Variants in OPCML observed in about 807,000 individuals in gnomAD.
OPCML encodes opioid-binding protein/cell adhesion molecule.
A neutral mutation model predicts 37.8 loss-of-function variants in OPCML; 13 were observed. The ratio of observed to expected loss-of-function variants is 0.34; its 90% CI spans 0.22 to 0.55. The LOEUF (loss-of-function observed/expected upper bound fraction) is 0.55. OPCML is among the 20% of genes least tolerant of loss of function. OPCML has a pLI of 0.91. For missense variants in OPCML, 341 were observed against 435.6 expected (o/e 0.78, Z 1.93); for synonymous variants, 176 against 168.8 (o/e 1.04, Z -0.33).
At chr11:132,873,715 CAAAA>C (rs34642015) in intron 2 of OPCML, among the ~76,000 whole-genome samples, 46 of 111,232 alleles carry the variant, frequency 4.1e-4, no homozygotes, top group Non-Finnish European at 5.9e-4. Context: ...CAGTTGGGCA[CAAAA>C]AAAAAAAAAA....
chr11:133,511,702 T>A (rs548751069), intron 1 of OPCML, among the ~76,000 whole-genome samples: 1 of 142,748 alleles, frequency 7.0e-6, no homozygotes, highest in South Asian at 2.2e-4. Flanking sequence ...CCTGATGTAC[T>A]TTTTTTTTTT....
chr11:132,422,808 T>C (rs1216560298), intron 7 of OPCML, among the ~76,000 whole-genome samples: 2 of 152,206 alleles, frequency 1.3e-5, no homozygotes, highest in Non-Finnish European at 2.9e-5. Context: ...ACAAGTCTAC[T>C]TCCTCTCTGT....
At chr11:132,560,210 C>T (rs1353812458) in intron 3 of OPCML, among the ~76,000 whole-genome samples, 1 of 152,194 alleles carries the variant, frequency 6.6e-6, no homozygotes, top group Admixed American at 6.5e-5. Context: ...TGTGACTCCA[C>T]ACATGCAACT....
intron 3 of OPCML, among the ~76,000 whole-genome samples, chr11:132,554,904 G>A (rs1180840470): frequency 2.7e-5 from 2 of 73,214 alleles, no homozygotes; most frequent in African/African-American, 9.8e-5. Flanking sequence ...TTAGCTCTAT[G>A]GTTAGATAGA....
rs79489007 is a variant in OPCML at position 132,658,595 on chromosome 11, G to A, written c.147-1276C>T. 8.6e-3 allele frequency among the ~76,000 whole-genome samples: 1,303 copies of A among 152,288 alleles called. 21 individuals carry two copies. The highest frequency in any genetic ancestry group is 0.029 in the African/African-American group (1,219 of 41,556). ...AAGAATAAAAGCAATACCAGCTTCC[G>A]GTCACCCAGGCCTTTTTATGAGCTG... On this transcript the variant is annotated intron_variant, in intron 2 of 7. Transcript: ENST00000524381.
chr11:133,093,713 G>C (rs575854416), intron 1 of OPCML, among the ~76,000 whole-genome samples: 2 of 152,022 alleles, frequency 1.3e-5, no homozygotes, highest in Non-Finnish European at 2.9e-5. Flanking sequence ...CAGGTGATGT[G>C]TCTGACTGAC....
chr11:133,271,255 C>A (rs181266641), intron 1 of OPCML, among the ~76,000 whole-genome samples: 1 of 152,162 alleles, frequency 6.6e-6, no homozygotes, highest in Non-Finnish European at 1.5e-5. Context: ...TATCCCAGAA[C>A]CTGGCCCAGA....
intron 1 of OPCML, among the ~76,000 whole-genome samples, chr11:132,975,110 G>T (rs1946428730): frequency 6.6e-6 from 1 of 151,492 alleles, no homozygotes; most frequent in African/African-American, 2.4e-5. Context: ...GCCACTATAG[G>T]TGCTGATTAT....
intron 1 of OPCML, among the ~76,000 whole-genome samples, chr11:133,175,891 G>T (rs1024848154): frequency 1.3e-5 from 2 of 152,084 alleles, no homozygotes; most frequent in African/African-American, 4.8e-5. Context: ...AAAAAAAGTC[G>T]TGCCTGTGGT....
intron 1 of OPCML, among the ~76,000 whole-genome samples, chr11:133,214,606 C>A (rs1939509055): frequency 6.6e-6 from 1 of 152,074 alleles, no homozygotes; most frequent in Admixed American, 6.5e-5. Context: ...TTAAATTATC[C>A]AACTAGAGCT....
chr11:133,218,244 C>T (rs1254738084), intron 1 of OPCML, among the ~76,000 whole-genome samples: 1 of 151,944 alleles, frequency 6.6e-6, no homozygotes, highest in East Asian at 1.9e-4. Flanking sequence ...AGCTAAAAAC[C>T]AATCTAGGAG....
chr11:132,435,656 A>G (rs977317572), intron 7 of OPCML, among the ~76,000 whole-genome samples: 22 of 152,348 alleles, frequency 1.4e-4, no homozygotes, highest in Admixed American at 9.8e-4. Flanking sequence ...ATTCTTCCCC[A>G]TGGATGAGAA....
chr11:132,685,164 C>T lies in OPCML; in HGVS notation c.147-27845G>A, dbSNP rs148020651. ...ACTCCTAATCAAGCTTTTTCTTGCC[C>T]TGTCATCTCCATGCCAATAGTCTAT... On this transcript the variant is annotated intron_variant, in intron 2 of 7. Coordinates refer to ENST00000524381, the MANE Select transcript of OPCML (RefSeq NM_001012393.5). 1.7e-3 allele frequency among the ~76,000 whole-genome samples: 258 copies of T among 152,292 alleles called. 1 individual carries two copies. The highest frequency in any genetic ancestry group is 3.4e-3 in the Middle Eastern group (1 of 294).
chr11:133,053,371 C>G (rs190974055), intron 1 of OPCML, among the ~76,000 whole-genome samples: 1 of 152,286 alleles, frequency 6.6e-6, no homozygotes, highest in Admixed American at 6.5e-5. Context: ...TGGCTCCATG[C>G]CCTTCCCTCT....
intron 1 of OPCML, among the ~76,000 whole-genome samples, chr11:133,175,538 G>A (rs967686220): frequency 1.3e-5 from 2 of 150,836 alleles, no homozygotes. Flanking sequence ...ACCCACGACA[G>A]GTTACATCTA....
chr11:132,542,671 G>A (rs1306266999), intron 3 of OPCML, among the ~76,000 whole-genome samples: 2 of 152,132 alleles, frequency 1.3e-5, no homozygotes, highest in African/African-American at 2.4e-5. Flanking sequence ...TGATGAATGG[G>A]CTGCAGGTCT....
intron 1 of OPCML, among the ~76,000 whole-genome samples, chr11:133,073,893 T>C (rs1948583312): frequency 6.6e-6 from 1 of 152,200 alleles, no homozygotes; most frequent in Non-Finnish European, 1.5e-5. Flanking sequence ...TGTTTGTGAA[T>C]AAAGAAAAAG....
intron 1 of OPCML, among the ~76,000 whole-genome samples, chr11:133,027,069 C>T (rs1432778355): frequency 6.6e-6 from 1 of 152,196 alleles, no homozygotes; most frequent in Non-Finnish European, 1.5e-5. Flanking sequence ...AGCTCCACTG[C>T]TCACTAGCTC....
chr11:133,452,479 A>T (rs971336753), intron 1 of OPCML, among the ~76,000 whole-genome samples: 3 of 151,394 alleles, frequency 2.0e-5, no homozygotes, highest in Non-Finnish European at 4.4e-5. Context: ...GTATGATAGC[A>T]GATAGTCTGG....
Sources: allele counts gnomAD v4.1 joint callset (sites outside exome capture counted in the v4.1 genomes callset), GRCh38; gene constraint gnomAD v4.1.1; transcripts MANE v1.5; gene names NCBI Gene and HGNC (gene_info 2026-07-23, HGNC 2026-07-21).